Variants in PTPRD observed in about 807,000 individuals in gnomAD.
The protein encoded by PTPRD is protein tyrosine phosphatase receptor type D, also known as receptor-type tyrosine-protein phosphatase delta.
In PTPRD, 34 loss-of-function variants were observed where a neutral mutation model predicts 214.5. The observed-to-expected ratio is 0.16, with a 90% CI of 0.12 to 0.21. The LOEUF (loss-of-function observed/expected upper bound fraction) is 0.21, where lower values mean the gene tolerates loss of function less well. Ranked by LOEUF, PTPRD falls within the 10% of genes least tolerant of loss-of-function variation. The probability of loss-of-function intolerance (pLI) is 1.00; values close to 1 mark genes in which losing one functional copy is unlikely to be tolerated. For synonymous variants in PTPRD, 1,128 were observed against 845.7 expected (o/e 1.33, Z -5.79); for missense variants, 2,545 against 2,398.7 (o/e 1.06, Z -1.27).
At chr9:9,905,922 T>G (rs1566171217) in intron 5 of PTPRD, among the ~76,000 whole-genome samples, 1 of 152,000 alleles carries the variant, frequency 6.6e-6, no homozygotes, top group African/African-American at 2.4e-5. Flanking sequence ...ATTAACAGAC[T>G]ATTAAGATAA....
chr9:9,534,038 C>T (rs28457216), intron 8 of PTPRD, among the ~76,000 whole-genome samples: 24,679 of 151,958 alleles, frequency 0.16, 2,215 homozygotes, highest in Middle Eastern at 0.2. Flanking sequence ...CACAAACATA[C>T]TCACACACAC....
intron 10 of PTPRD, among the ~76,000 whole-genome samples, chr9:9,075,460 G>A (rs1343880581): frequency 2.0e-5 from 3 of 151,702 alleles, no homozygotes; most frequent in South Asian, 2.1e-4. Context: ...TGTGCACAAC[G>A]TGCAGGTTTG....
intron 8 of PTPRD, among the ~76,000 whole-genome samples, chr9:9,462,376 C>A (rs2093737522): frequency 6.6e-6 from 1 of 152,042 alleles, no homozygotes; most frequent in African/African-American, 2.4e-5. Context: ...CTTGGGTATT[C>A]ATATTCATGT....
At chr9:9,403,290 C>CAAAAAAAAAAAAAAAAAAAAAAAA (rs56105335) in intron 8 of PTPRD, among the ~76,000 whole-genome samples, 6 of 60,660 alleles carry the variant, frequency 9.9e-5, no homozygotes, top group African/African-American at 2.9e-4. Context: ...TACTCTGTCT[C>CAAAAAAAAAAAAAAAAAAAAAAAA]AAAAAAAAAA....
At chr9:9,017,381 T>A (rs563333073) in intron 11 of PTPRD, among the ~76,000 whole-genome samples, 15 of 152,288 alleles carry the variant, frequency 9.8e-5, no homozygotes, top group Admixed American at 1.3e-4. Context: ...CCACTGTTAA[T>A]CTTTCCTTTG....
At chr9:10,289,387 G>T (rs947843181) in intron 3 of PTPRD, among the ~76,000 whole-genome samples, 19 of 152,124 alleles carry the variant, frequency 1.2e-4, no homozygotes, top group African/African-American at 4.1e-4. Context: ...TGAGGTGTTG[G>T]AGATGTGCAG....
At chr9:10,340,654 T>A (rs544438404) in intron 3 of PTPRD, among the ~76,000 whole-genome samples, 1 of 152,008 alleles carries the variant, frequency 6.6e-6, no homozygotes, top group East Asian at 1.9e-4. Flanking sequence ...TTACAATATT[T>A]TTGTGAGGAT....
At chr9:9,274,869 A>T (rs1944359931) in intron 9 of PTPRD, among the ~76,000 whole-genome samples, 1 of 149,098 alleles carries the variant, frequency 6.7e-6, no homozygotes, top group South Asian at 2.1e-4. Flanking sequence ...TTAGATAGGA[A>T]TGATTCTACT....
chr9:9,184,887 G>C (rs887663578), intron 9 of PTPRD, among the ~76,000 whole-genome samples: 1 of 152,032 alleles, frequency 6.6e-6, no homozygotes, highest in African/African-American at 2.4e-5. Context: ...TTCAGGAATA[G>C]GGAACATAAG....
intron 5 of PTPRD, among the ~76,000 whole-genome samples, chr9:9,797,803 G>A (rs891164091): frequency 2.0e-5 from 3 of 152,088 alleles, no homozygotes; most frequent in South Asian, 2.1e-4. Flanking sequence ...AGCTGAGATC[G>A]CGCCATCGCA....
At chr9:8,970,939 A>G (rs1183150090) in intron 11 of PTPRD, among the ~76,000 whole-genome samples, 1 of 151,764 alleles carries the variant, frequency 6.6e-6, no homozygotes, top group Non-Finnish European at 1.5e-5. Flanking sequence ...AAACCAAACA[A>G]AAAACACAGA....
chr9:10,103,395 T>TATATATATATATGTA (rs34926923), intron 3 of PTPRD, among the ~76,000 whole-genome samples: 1,488 of 116,662 alleles, frequency 0.013, 60 homozygotes, highest in African/African-American at 0.038. Context: ...ATATATATAT[T>TATATATATATATGTA]TATTTAAGAG....
At chr9:8,592,850 G>T (rs1247025096) in intron 14 of PTPRD, among the ~76,000 whole-genome samples, 1 of 152,210 alleles carries the variant, frequency 6.6e-6, no homozygotes, top group African/African-American at 2.4e-5. Context: ...TAACTTTACT[G>T]AACGAAGTCA....
At chr9:8,959,756 G>C (rs2099149521) in intron 11 of PTPRD, among the ~76,000 whole-genome samples, 1 of 151,974 alleles carries the variant, frequency 6.6e-6, no homozygotes, top group Admixed American at 6.6e-5. Context: ...AAGCCAGATG[G>C]ATAAAGTTTC....
At chr9:8,722,751 G>T (rs113404084) in intron 12 of PTPRD, among the ~76,000 whole-genome samples, 3 of 152,136 alleles carry the variant, frequency 2.0e-5, no homozygotes, top group Non-Finnish European at 4.4e-5. Flanking sequence ...TATTGATGAA[G>T]GAAAGTGTAG....
intron 5 of PTPRD, among the ~76,000 whole-genome samples, chr9:9,779,078 C>CAAAAAAAAAA (rs869120926): frequency 0.016 from 712 of 45,444 alleles, 92 homozygotes; most frequent in Non-Finnish European, 0.019. Context: ...ATAAGACTGA[C>CAAAAAAAAAA]AAAAAAAAAA....
At chr9:9,963,755 G>A (rs1566775316) in intron 4 of PTPRD, among the ~76,000 whole-genome samples, 1 of 152,122 alleles carries the variant, frequency 6.6e-6, no homozygotes. Context: ...GGTGATATAT[G>A]AAGAGATGAA....
At chr9:9,707,707 C>G (rs1038951324) in intron 7 of PTPRD, among the ~76,000 whole-genome samples, 2 of 152,006 alleles carry the variant, frequency 1.3e-5, no homozygotes, top group African/African-American at 2.4e-5. Context: ...GTATAAAATA[C>G]TTAAACCCTT....
chr9:9,570,572 T>A (rs145003009), intron 8 of PTPRD, among the ~76,000 whole-genome samples: 2,887 of 151,628 alleles, frequency 0.019, 45 homozygotes, highest in Admixed American at 0.027. Flanking sequence ...TTATTTATCT[T>A]TTTGGAATGG....
Sources: gnomAD v4.1 joint callset for allele counts (sites outside exome capture counted in the v4.1 genomes callset) on GRCh38, gnomAD v4.1.1 for gene constraint, MANE v1.5 for transcripts, NCBI Gene and HGNC (gene_info 2026-07-23, HGNC 2026-07-21) for gene names.